PIWIL1: variants seen among roughly 807,000 people sequenced by gnomAD.
PIWIL1 encodes piwi-like protein 1.
Under a neutral mutation model 114.4 loss-of-function variants are expected in PIWIL1, and 73 were observed. The observed-to-expected ratio is 0.64, with a 90% confidence interval of 0.53 to 0.78. The LOEUF (loss-of-function observed/expected upper bound fraction) is 0.78, where lower values mean the gene tolerates loss of function less well. Among genes scored for constraint, PIWIL1 ranks in the 30% least tolerant of loss-of-function variants. PIWIL1 has a pLI of 0.00. For synonymous variants in PIWIL1, 375 were observed against 369.0 expected, an observed-to-expected ratio of 1.02 and a Z score of -0.19; for missense variants, 723 against 1,063.1, an observed-to-expected ratio of 0.68 and a Z score of 4.45.
At chr12:130,369,002 ACATGCATTAGCT>A (rs1202595634) in intron 19 of PIWIL1, among the ~76,000 whole-genome samples, 1 of 151,980 alleles carries the variant, frequency 6.6e-6, no homozygotes, top group African/African-American at 2.4e-5. Context: ...ATTAAGCCCC[ACATGCATTAGCT>A]CATGCATTAG....
intron 7 of PIWIL1, 121 bp from the exon 8 acceptor site, chr12:130,349,118 A>G (rs772895978): frequency 6.4e-6 from 4 of 622,376 alleles, no homozygotes; most frequent in Non-Finnish European, 1.1e-5. Context: ...AAATAAGGAA[A>G]TTGATTCATT....
chr12:130,338,862 G>T (rs1162823678), intron 1 of PIWIL1, among the ~76,000 whole-genome samples: 3 of 134,834 alleles, frequency 2.2e-5, no homozygotes, highest in African/African-American at 8.4e-5. Flanking sequence ...GGGTGCGGGG[G>T]TGCAGGGGCC....
At chr12:130,354,690 A>G (rs1424922316) in intron 10 of PIWIL1, 27 bp downstream of exon 10, 2 of 1,549,496 alleles carry the variant, frequency 1.3e-6, no homozygotes, top group Non-Finnish European at 1.7e-6. Flanking sequence ...TTTACTCGGA[A>G]GGAAGCCACT....
chr12:130,362,587 T>C (rs2242364), intron 16 of PIWIL1, among the ~76,000 whole-genome samples, 179 bp from the exon 17 acceptor site: 78,697 of 152,100 alleles, frequency 0.52, 21,344 homozygotes, highest in Middle Eastern at 0.63. Flanking sequence ...ACGGGATCTC[T>C]TGTATCCTGC....
At chr12:130,350,834 A>C (rs2073191665) in intron 9 of PIWIL1, among the ~76,000 whole-genome samples, 1 of 152,186 alleles carries the variant, frequency 6.6e-6, no homozygotes, top group Non-Finnish European at 1.5e-5. Context: ...CATATTTTGC[A>C]TGGAAAGTAT....
the PIWIL1 span, among the ~76,000 whole-genome samples, chr12:130,416,773 G>A: frequency 9.1e-4 from 138 of 152,210 alleles, no homozygotes; most frequent in African/African-American, 3.0e-3. Flanking sequence ...TCAACAGAGT[G>A]AACAACACCC....
chr12:130,412,630 A>G, the PIWIL1 span: 2 of 1,613,726 alleles, frequency 1.2e-6, no homozygotes, highest in Non-Finnish European at 1.7e-6. Context: ...TATTTTCTCC[A>G]CAGGTGTATT....
the PIWIL1 span, among the ~76,000 whole-genome samples, chr12:130,381,630 G>T: frequency 6.6e-6 from 1 of 152,198 alleles, no homozygotes; most frequent in Non-Finnish European, 1.5e-5. Flanking sequence ...AAACATCTCT[G>T]TGCGGGTTCT....
At chr12:130,415,959 C>CCACACA in the PIWIL1 span, among the ~76,000 whole-genome samples, 81 of 81,550 alleles carry the variant, frequency 9.9e-4, no homozygotes, top group African/African-American at 4.3e-3. Context: ...TTGACAATAG[C>CCACACA]CACACACACA....
chr12:130,351,657 A>T (rs1310074652), intron 9 of PIWIL1: 1 of 152,204 alleles, frequency 6.6e-6, no homozygotes. Context: ...TGAATAAACA[A>T]ATGGTGGATG....
chr12:130,348,271 TAC>T, intron 7 of PIWIL1, 88 bp downstream of exon 7: 1 of 707,476 alleles, frequency 1.4e-6, no homozygotes, highest in Non-Finnish European at 2.4e-6. Flanking sequence ...TCAAATTTAC[TAC>T]AGTGACTGTT....
At chr12:130,424,729 G>A in the PIWIL1 span, 3 of 1,232,256 alleles carry the variant, frequency 2.4e-6, no homozygotes, top group Non-Finnish European at 2.0e-6. The surrounding 1 kb of genome is among the most constrained non-coding windows in gnomAD (Gnocchi z 9.8). Flanking sequence ...TGCTTGTGTA[G>A]CAGCCCACAG....
the PIWIL1 span, chr12:130,419,706 A>G: frequency 6.6e-6 from 1 of 152,334 alleles, no homozygotes; most frequent in East Asian, 1.9e-4. The surrounding 1 kb of genome is among the most constrained non-coding windows in gnomAD (Gnocchi z 4.3). Flanking sequence ...AAAATGGGAG[A>G]ATACAGAGGA....
intron 16 of PIWIL1, among the ~76,000 whole-genome samples, chr12:130,362,133 T>C (rs1203261628): frequency 2.0e-5 from 3 of 152,186 alleles, no homozygotes; most frequent in African/African-American, 7.2e-5. Flanking sequence ...ATAGGTAAAC[T>C]CGTGTCATGG....
rs529941222 is a variant in PIWIL1, at chr12:130,354,557, C to T, written c.1065C>T (p.Thr355=). ...AGCAGCAATACAACCAAGAGATCAC[C>T]GACTTGAAGCAGCCTGTCTTGGTCA... The part of the protein sequence containing the change: ...YYRKQYNQEI[T]DLKQPVLVSQ... Residue 355 remains threonine, a synonymous_variant, in exon 10 of 21, where the codon ACC becomes ACT. Coordinates refer to ENST00000245255, the MANE Select transcript of PIWIL1 (RefSeq NM_004764.5). 2.8e-5 allele frequency: 45 copies of T among 1,614,152 alleles called. No individual in the cohort carries two copies. The highest frequency in any genetic ancestry group is 8.3e-5 in the Admixed American group (5 of 60,022).
At position 130,363,016 on chromosome 12, in the gene PIWIL1, C is replaced by A; in HGVS notation, c.2067C>A (p.Cys689Ter). The change falls in exon 18 of 21, where the codon TGC becomes TGA. Residue 689 changes from cysteine to a stop codon, truncating the protein, a stop_gained. Coordinates refer to ENST00000245255, the MANE Select transcript of PIWIL1 (RefSeq NM_004764.5). LOFTEE classifies it high-confidence loss of function. ...CGGCTCTGAGGGCTTGGAATAGCTG[C>A]AATGAGTACATGCCCAGCCGGATCA... ...LQAALRAWNS[C>*]NEYMPSRIIV... is the part of the protein sequence containing the mutation. The A allele has an allele frequency of 6.2e-7, 1 of 1,614,184 alleles. No homozygotes were observed. The highest frequency in any genetic ancestry group is 8.5e-7 in the Non-Finnish European group (1 of 1,180,028).
chr12:130,357,514 A>G lies in PIWIL1; in HGVS notation c.1626A>G (p.Leu542=). The change falls in exon 14 of 21, where the codon TTA becomes TTG. Residue 542 remains leucine, a synonymous_variant. Transcript: ENST00000245255. ...TGGATGACAGAACTGAAGCCTACTT[A>G]AGAGTCTTACAGCAAAAGGTCACAG... is the stretch of plus-strand genomic sequence containing the variant. ...IEVDDRTEAY[L]RVLQQKVTAD... 6.2e-7 allele frequency: 1 copy of G among 1,613,606 alleles called. No individual in the cohort carries two copies. The highest frequency in any genetic ancestry group is 2.2e-5 in the East Asian group (1 of 44,872).
the PIWIL1 span, among the ~76,000 whole-genome samples, chr12:130,415,232 C>T: frequency 6.6e-6 from 1 of 152,282 alleles, no homozygotes; most frequent in African/African-American, 2.4e-5. Context: ...CCCTCAGATG[C>T]AAGATTGGTT....
chr12:130,381,134 C>T, the PIWIL1 span, among the ~76,000 whole-genome samples: 2 of 152,184 alleles, frequency 1.3e-5, no homozygotes, highest in Non-Finnish European at 2.9e-5. Flanking sequence ...CCACAGTTCA[C>T]ATGAGGGTTC....
Sources: allele counts gnomAD v4.1 joint callset (sites outside exome capture counted in the v4.1 genomes callset), GRCh38; gene constraint gnomAD v4.1.1; non-coding constraint Gnocchi (gnomAD v3.1); transcripts MANE v1.5; gene names NCBI Gene and HGNC (gene_info 2026-07-23, HGNC 2026-07-21).